The following UBE2D2 variants were observed in gnomAD, a reference collection of about 807,000 sequenced individuals.
UBE2D2 encodes the protein ubiquitin-conjugating enzyme E2 D2.
A neutral mutation model predicts 24.2 loss-of-function variants in UBE2D2; 2 were observed. That is an observed-to-expected ratio of 0.08 (90% CI 0.03 to 0.26). The LOEUF (loss-of-function observed/expected upper bound fraction) is 0.26. Ranked by LOEUF, UBE2D2 falls within the 10% of genes least tolerant of loss-of-function variation. The pLI, the probability that UBE2D2 is intolerant of heterozygous loss-of-function variation, is 1.00. For synonymous variants in UBE2D2, 58 were observed against 56.5 expected, an observed-to-expected ratio of 1.03 and a Z score of -0.12; for missense variants, 44 against 177.6, an observed-to-expected ratio of 0.25 and a Z score of 4.28.
intron 1 of UBE2D2, among the ~76,000 whole-genome samples, chr5:139,582,889 C>CT (rs1040485958): frequency 1.3e-5 from 2 of 151,584 alleles, no homozygotes; most frequent in East Asian, 4.0e-4. Flanking sequence ...CCAGGATGGT[C>CT]TTGATCTCCT....
chr5:139,580,045 CAAAA>C (rs199662706), intron 1 of UBE2D2, among the ~76,000 whole-genome samples: 2 of 116,956 alleles, frequency 1.7e-5, no homozygotes, highest in African/African-American at 3.2e-5. Flanking sequence ...GACTCCCTCT[CAAAA>C]AAAAAAAAAA....
chr5:139,549,398 G>A (rs916949217), intron 1 of UBE2D2, among the ~76,000 whole-genome samples: 3 of 152,234 alleles, frequency 2.0e-5, no homozygotes, highest in Non-Finnish European at 4.4e-5. Context: ...GGGCCAGCGC[G>A]AGTTCCGGGT....
rs1280178395 is a variant in UBE2D2 at position 139,601,269 on chromosome 5, A to T, written c.88+834A>T. Among the ~76,000 whole-genome samples, 3 of 152,192 alleles carry T rather than the reference A, an allele frequency of 2.0e-5. No individual in the cohort carries two copies. In the East Asian group the frequency reaches 5.8e-4, roughly 29 times the overall value. On this transcript the variant is annotated intron_variant, in intron 2 of 6. Transcript: ENST00000398733. ...ACTTTTTTTAAAGAGGGGATATTTG[A>T]ATGAGACTATGCTATGTGATGTAAA...
chr5:139,554,630 T>C (rs1211559956), intron 1 of UBE2D2, among the ~76,000 whole-genome samples: 1 of 152,228 alleles, frequency 6.6e-6, no homozygotes, highest in Non-Finnish European at 1.5e-5. Flanking sequence ...AAGGCTGCTA[T>C]AAATATTTGT....
intron 1 of UBE2D2, among the ~76,000 whole-genome samples, chr5:139,550,797 G>A (rs1437894024): frequency 6.6e-6 from 1 of 151,790 alleles, no homozygotes; most frequent in Non-Finnish European, 1.5e-5. Context: ...AAGCCAGTGA[G>A]ACCACAAATC....
chr5:139,540,211 G>A (rs189761362), intron 1 of UBE2D2, among the ~76,000 whole-genome samples: 9 of 152,234 alleles, frequency 5.9e-5, no homozygotes, highest in Admixed American at 4.6e-4. Flanking sequence ...GAGCCACCAC[G>A]CCGGGCTATA....
At position 139,551,841 on chromosome 5, in the gene UBE2D2, T is replaced by A. The variant is rs548604929; in HGVS notation, c.-64+25229T>A. On this transcript the variant is annotated intron_variant, in intron 1 of 6. Transcript: ENST00000511725. ...TGTGACTTTTAGGCTAAAACCAGAC[T>A]GCTAATAAACATAAAGTGTTACAGG... Among the ~76,000 whole-genome samples the A allele has an allele frequency of 2.6e-5, 4 of 152,346 alleles. No individual in the cohort carries two copies. In the South Asian group the frequency reaches 8.3e-4, roughly 32 times the overall value.
intron 1 of UBE2D2, among the ~76,000 whole-genome samples, chr5:139,569,089 T>C (rs938954453): frequency 6.6e-6 from 1 of 152,224 alleles, no homozygotes. Context: ...CTGTGGAGTA[T>C]TGGGAACTTT....
At chr5:139,562,329 C>T (rs1259830518) in intron 1 of UBE2D2, 18 of 1,346,658 alleles carry the variant, frequency 1.3e-5, no homozygotes, top group Non-Finnish European at 1.8e-5. Context: ...TCACTTACCT[C>T]TTGGGTGGCA....
chr5:139,605,388 T>G (rs985256584), intron 2 of UBE2D2, among the ~76,000 whole-genome samples: 3 of 151,704 alleles, frequency 2.0e-5, no homozygotes, highest in South Asian at 4.2e-4. Context: ...GTCAGGAGAT[T>G]GAGACCATCC....
chr5:139,535,501 C>T (rs1268437620), intron 1 of UBE2D2, among the ~76,000 whole-genome samples: 2 of 151,654 alleles, frequency 1.3e-5, no homozygotes, highest in African/African-American at 2.4e-5. Context: ...CAGTGGCAGA[C>T]GCCTGTAATC....
At chr5:139,544,839 C>T (rs781671524) in intron 1 of UBE2D2, among the ~76,000 whole-genome samples, 2 of 151,572 alleles carry the variant, frequency 1.3e-5, no homozygotes, top group Non-Finnish European at 2.9e-5. Context: ...TGCAGTGGCG[C>T]GATCTCGGCT....
intron 2 of UBE2D2, among the ~76,000 whole-genome samples, chr5:139,613,094 A>C (rs1754357619): frequency 6.6e-6 from 1 of 152,242 alleles, no homozygotes; most frequent in Admixed American, 6.5e-5. Flanking sequence ...GGCTAATCTA[A>C]GGAAGGGAGC....
chr5:139,601,033 C>T (rs540296539), intron 2 of UBE2D2, among the ~76,000 whole-genome samples: 1 of 152,308 alleles, frequency 6.6e-6, no homozygotes, highest in East Asian at 1.9e-4. Flanking sequence ...AAACTCCTGG[C>T]CTCAGGTGAT....
chr5:139,613,460 G>C (rs548249272), intron 2 of UBE2D2, among the ~76,000 whole-genome samples: 17 of 152,278 alleles, frequency 1.1e-4, no homozygotes, highest in African/African-American at 4.1e-4. Context: ...AGTAGCATGA[G>C]AACATGGAAC....
intron 1 of UBE2D2, among the ~76,000 whole-genome samples, chr5:139,551,712 C>T (rs1291800214): frequency 6.6e-6 from 1 of 152,220 alleles, no homozygotes; most frequent in Non-Finnish European, 1.5e-5. Context: ...AGACAGTTGT[C>T]TAACAATCAC....
At chr5:139,578,036 CTT>C (rs2126662245) in intron 1 of UBE2D2, among the ~76,000 whole-genome samples, 1 of 152,296 alleles carries the variant, frequency 6.6e-6, no homozygotes, top group East Asian at 1.9e-4. Context: ...AGGGTGAAGT[CTT>C]TTGGCATAGG....
chr5:139,584,312 G>A lies in UBE2D2; in HGVS notation c.25-16060G>A, dbSNP rs566261698. Reference sequence around the variant, plus strand: ...TAGGAGCAATAAGGCTGTATACCATGTGGCCTAGGTTATACCATCTCGGTT... The same window carrying A: ...TAGGAGCAATAAGGCTGTATACCATATGGCCTAGGTTATACCATCTCGGTT... On this transcript the variant is annotated intron_variant, in intron 1 of 6. Transcript: ENST00000398733. Among the ~76,000 whole-genome samples the A allele has an allele frequency of 2.6e-5, 4 of 152,266 alleles. No individual in the cohort carries two copies. The East Asian group carries it at 7.7e-4, about 29-fold the overall frequency.
intron 5 of UBE2D2, among the ~76,000 whole-genome samples, chr5:139,622,985 C>G (rs190428922): frequency 6.6e-5 from 10 of 151,926 alleles, no homozygotes; most frequent in African/African-American, 2.4e-4. Context: ...GGGTGAATCA[C>G]GAGGTCAGGA....
Sources: gnomAD v4.1 joint callset for allele counts (sites outside exome capture counted in the v4.1 genomes callset) on GRCh38, gnomAD v4.1.1 for gene constraint, MANE v1.5 for transcripts, NCBI Gene and HGNC (gene_info 2026-07-23, HGNC 2026-07-21) for gene names.